Variants in BMPR1B observed in about 807,000 individuals in gnomAD.
BMPR1B encodes bone morphogenetic protein receptor type-1B.
A neutral mutation model predicts 59.1 loss-of-function variants in BMPR1B; 12 were observed. The observed-to-expected ratio is 0.20, with a 90% CI of 0.13 to 0.33. The LOEUF is 0.33. BMPR1B is among the 10% of genes least tolerant of loss of function. BMPR1B has a pLI of 1.00. For synonymous variants in BMPR1B, 237 were observed against 207.3 expected, an observed-to-expected ratio of 1.14 and a Z score of -1.23; for missense variants, 550 against 610.9, an observed-to-expected ratio of 0.90 and a Z score of 1.05.
At chr4:94,864,976 A>G (rs375270681) in intron 1 of BMPR1B, among the ~76,000 whole-genome samples, 1 of 152,114 alleles carries the variant, frequency 6.6e-6, no homozygotes, top group Non-Finnish European at 1.5e-5. Flanking sequence ...ATGCAATGAT[A>G]TATAGATTTT....
intron 2 of BMPR1B, among the ~76,000 whole-genome samples, chr4:94,911,543 G>C (rs1458971260): frequency 1.3e-5 from 2 of 152,112 alleles, no homozygotes; most frequent in African/African-American, 4.8e-5. Flanking sequence ...TCCTCTAGTA[G>C]CTGTGGTCTT....
intron 3 of BMPR1B, among the ~76,000 whole-genome samples, chr4:95,074,012 A>G (rs1017041387): frequency 1.3e-5 from 2 of 152,118 alleles, no homozygotes; most frequent in African/African-American, 4.8e-5. Context: ...TTTAAAAGTG[A>G]TTCTAGGTAG....
chr4:94,816,115 T>C (rs1247395780), intron 1 of BMPR1B, among the ~76,000 whole-genome samples: 1 of 152,192 alleles, frequency 6.6e-6, no homozygotes, highest in Non-Finnish European at 1.5e-5. Flanking sequence ...CCTTTTCATA[T>C]ATCTGAAAAT....
intron 3 of BMPR1B, among the ~76,000 whole-genome samples, chr4:95,003,352 A>G (rs1012771835): frequency 6.6e-6 from 1 of 152,210 alleles, no homozygotes; most frequent in Admixed American, 6.5e-5. Flanking sequence ...TGTGCCACAA[A>G]TTTAAATCTT....
At chr4:94,813,346 C>A (rs1022098091) in intron 1 of BMPR1B, among the ~76,000 whole-genome samples, 3 of 151,966 alleles carry the variant, frequency 2.0e-5, no homozygotes, top group Non-Finnish European at 4.4e-5. Context: ...TTAAGTGATG[C>A]GATGAGAGAT....
intron 3 of BMPR1B, chr4:95,103,499 A>G (rs1730972474): frequency 1.0e-6 from 1 of 985,114 alleles, no homozygotes; most frequent in African/African-American, 1.7e-5. Context: ...CTCTTACCAC[A>G]ACGCCTGAAA....
intron 1 of BMPR1B, among the ~76,000 whole-genome samples, chr4:94,767,044 T>C (rs142518429): frequency 2.0e-5 from 3 of 152,288 alleles, no homozygotes; most frequent in African/African-American, 4.8e-5. Flanking sequence ...CTCAGGTTGC[T>C]TCATTTTTAT....
At chr4:94,785,846 G>A (rs1375854391) in intron 1 of BMPR1B, among the ~76,000 whole-genome samples, 2 of 152,178 alleles carry the variant, frequency 1.3e-5, no homozygotes, top group Admixed American at 1.3e-4. Context: ...CTGGGTATAT[G>A]TGCTGAACAA....
At chr4:94,810,820 T>C (rs1578670366) in intron 1 of BMPR1B, among the ~76,000 whole-genome samples, 1 of 152,168 alleles carries the variant, frequency 6.6e-6, no homozygotes, top group Non-Finnish European at 1.5e-5. Flanking sequence ...AGGCACATAT[T>C]AGAGAGTTAG....
chr4:94,786,212 A>T (rs1339538461), intron 1 of BMPR1B, among the ~76,000 whole-genome samples: 1 of 152,228 alleles, frequency 6.6e-6, no homozygotes, highest in East Asian at 1.9e-4. Flanking sequence ...ATGTATTATC[A>T]TGCGGGTACT....
At chr4:94,932,354 C>T (rs183368772) in intron 2 of BMPR1B, among the ~76,000 whole-genome samples, 99 of 152,246 alleles carry the variant, frequency 6.5e-4, no homozygotes, top group African/African-American at 2.3e-3. Flanking sequence ...CTGGAATGGA[C>T]TTTGCCCATA....
At chr4:95,041,226 T>G (rs1315132991) in intron 3 of BMPR1B, among the ~76,000 whole-genome samples, 1 of 152,138 alleles carries the variant, frequency 6.6e-6, no homozygotes, top group Non-Finnish European at 1.5e-5. Flanking sequence ...TTTTTTTGTT[T>G]TTAGTAGCGA....
rs545845590 is a variant in BMPR1B, at chr4:95,098,433, T to C, written c.-17-5975T>C. Among the ~76,000 whole-genome samples, 10 of 152,344 alleles carry C rather than the reference T, an allele frequency of 6.6e-5. No individual in the cohort carries two copies. In the South Asian group the frequency reaches 1.9e-3, roughly 28 times the overall value. On this transcript the variant is annotated intron_variant, in intron 3 of 12. Transcript: ENST00000515059. ...TATGACTTGATATTAAAGTGATCCTTGTATAAATACCTTTGCATAATTATA... is the reference window on the plus strand; with the variant it reads ...TATGACTTGATATTAAAGTGATCCTCGTATAAATACCTTTGCATAATTATA...
chr4:95,004,389 T>G (rs534219847), intron 3 of BMPR1B, among the ~76,000 whole-genome samples: 1 of 152,206 alleles, frequency 6.6e-6, no homozygotes, highest in Non-Finnish European at 1.5e-5. Context: ...ACATTTAAAA[T>G]TAAATTACAC....
At chr4:95,091,721 A>C (rs543626965) in intron 3 of BMPR1B, 7 of 927,432 alleles carry the variant, frequency 7.5e-6, no homozygotes, top group Non-Finnish European at 7.7e-6. Context: ...ATTCTGGCAC[A>C]ATAAAAGCTG....
chr4:95,066,759 A>C (rs1451558315), intron 3 of BMPR1B, among the ~76,000 whole-genome samples: 1 of 152,168 alleles, frequency 6.6e-6, no homozygotes, highest in African/African-American at 2.4e-5. Flanking sequence ...CTGAATCAAA[A>C]ACCTTAGGGG....
At chr4:95,149,045 C>G in intron 11 of BMPR1B, 122 bp downstream of exon 11, 3 of 1,285,282 alleles carry the variant, frequency 2.3e-6, no homozygotes, top group Non-Finnish European at 3.3e-6. Flanking sequence ...CCCTTTATTT[C>G]TGTTGATGCA....
At chr4:94,809,530 A>G (rs917029439) in intron 1 of BMPR1B, among the ~76,000 whole-genome samples, 1 of 152,236 alleles carries the variant, frequency 6.6e-6, no homozygotes, top group Non-Finnish European at 1.5e-5. Flanking sequence ...TGTTGATCAG[A>G]GAGTACACAC....
At position 95,115,601 on chromosome 4, in the gene BMPR1B, AT is replaced by A. The variant is rs1731965981; in HGVS notation, c.247-83del. On this transcript the variant is annotated intron_variant, in intron 5 of 12. Coordinates refer to ENST00000515059, the MANE Select transcript of BMPR1B (RefSeq NM_001203.3). ...TTAGAATTTTAAATTAGTTCTCTAAATAGTGACTATTTTTAAAGTTTTAGAT... is the reference window on the plus strand; with the variant it reads ...TTAGAATTTTAAATTAGTTCTCTAAAAGTGACTATTTTTAAAGTTTTAGAT... 4.4e-6 allele frequency: 5 copies of A among 1,140,518 alleles called. No individual in the cohort carries two copies. The Admixed American group carries it at 8.6e-5, about 20-fold the overall frequency. The allele number at this position is 1,140,518 out of a possible 1,614,324, so 70.6% of individuals were successfully genotyped here.
Sources: gnomAD v4.1 joint callset for allele counts (sites outside exome capture counted in the v4.1 genomes callset) on GRCh38, gnomAD v4.1.1 for gene constraint, MANE v1.5 for transcripts, NCBI Gene and HGNC (gene_info 2026-07-23, HGNC 2026-07-21) for gene names.